The following LRP1B variants were observed in gnomAD, a reference collection of about 807,000 sequenced individuals.
LRP1B encodes the protein low-density lipoprotein receptor-related protein 1B.
A neutral mutation model predicts 556.6 loss-of-function variants in LRP1B; 217 were observed. The observed-to-expected ratio is 0.39, with a 90% confidence interval of 0.35 to 0.44. The LOEUF (loss-of-function observed/expected upper bound fraction) is 0.44, where lower values mean the gene tolerates loss of function less well. Ranked by LOEUF, LRP1B falls within the 20% of genes least tolerant of loss-of-function variation. The pLI, the probability that LRP1B is intolerant of heterozygous loss-of-function variation, is 1.00. For synonymous variants in LRP1B, 2,047 were observed against 1,865.8 expected, an observed-to-expected ratio of 1.10 and a Z score of -2.50; for missense variants, 5,053 against 5,620.8, an observed-to-expected ratio of 0.90 and a Z score of 3.23.
At chr2:140,389,228 A>G (rs932454932) in intron 66 of LRP1B, among the ~76,000 whole-genome samples, 9 of 152,172 alleles carry the variant, frequency 5.9e-5, no homozygotes, top group Middle Eastern at 3.4e-3. Flanking sequence ...AGACCTTTAA[A>G]TAGGAGAATT....
chr2:141,260,170 T>C (rs111371567), intron 3 of LRP1B, among the ~76,000 whole-genome samples: 6 of 152,250 alleles, frequency 3.9e-5, no homozygotes, highest in African/African-American at 1.4e-4. Context: ...CTCCAACAGA[T>C]AGTGAAACAC....
chr2:141,601,599 T>TTTCCTTCCTTCC (rs59436887), intron 2 of LRP1B, among the ~76,000 whole-genome samples: 6,237 of 140,638 alleles, frequency 0.044, 222 homozygotes, highest in African/African-American at 0.091. Context: ...GTAGCACTCC[T>TTTCCTTCCTTCC]TTCCTTCCTT....
chr2:141,886,476 T>C (rs978777863), intron 1 of LRP1B, among the ~76,000 whole-genome samples: 1 of 152,278 alleles, frequency 6.6e-6, no homozygotes, highest in East Asian at 1.9e-4. Context: ...ATATATTTCA[T>C]CTTCATAAAT....
At chr2:141,464,606 A>ATATATATATATATTTTTTTTTTTTTTTT in intron 3 of LRP1B, among the ~76,000 whole-genome samples, 3 of 90,562 alleles carry the variant, frequency 3.3e-5, no homozygotes, top group African/African-American at 8.6e-5. Context: ...ATATATATAT[A>ATATATATATATATTTTTTTTTTTTTTTT]TTTTTTTAGT....
chr2:140,813,514 A>C (rs1690998657), intron 32 of LRP1B, 143 bp downstream of exon 32: 2 of 653,618 alleles, frequency 3.1e-6, no homozygotes, highest in Non-Finnish European at 5.2e-6. Flanking sequence ...AAGAAGGAAG[A>C]GAAGAAAACC....
chr2:140,626,992 A>G (rs1683687690), intron 41 of LRP1B, among the ~76,000 whole-genome samples: 1 of 152,154 alleles, frequency 6.6e-6, no homozygotes, highest in Admixed American at 6.5e-5. Flanking sequence ...GGGCTCAATG[A>G]ATACTATCAC....
At chr2:141,145,549 T>G (rs1191083097) in intron 7 of LRP1B, among the ~76,000 whole-genome samples, 2 of 151,704 alleles carry the variant, frequency 1.3e-5, no homozygotes, top group Admixed American at 1.3e-4. Flanking sequence ...TTTTTTTTTT[T>G]AGAGACAGAG....
chr2:141,662,921 A>G (rs991339943), intron 2 of LRP1B, among the ~76,000 whole-genome samples: 14 of 151,996 alleles, frequency 9.2e-5, no homozygotes, highest in African/African-American at 3.1e-4. Context: ...TGTTCACATC[A>G]TTGGAAGTAA....
At chr2:140,271,642 CAGG>C (rs1162724643) in intron 85 of LRP1B, among the ~76,000 whole-genome samples, 4 of 151,836 alleles carry the variant, frequency 2.6e-5, no homozygotes, top group Admixed American at 2.6e-4. Context: ...TCAAGGTAAA[CAGG>C]AGCAGTGAGC....
At chr2:140,697,007 A>T (rs1028257758) in intron 41 of LRP1B, among the ~76,000 whole-genome samples, 1 of 152,154 alleles carries the variant, frequency 6.6e-6, no homozygotes, top group Non-Finnish European at 1.5e-5. Flanking sequence ...TTGATTTTCC[A>T]TTTTGTAGGT....
chr2:141,130,120 A>T (rs1701312808), intron 7 of LRP1B, among the ~76,000 whole-genome samples: 1 of 152,072 alleles, frequency 6.6e-6, no homozygotes, highest in Non-Finnish European at 1.5e-5. Flanking sequence ...TAGAGTGGCC[A>T]TTAAAAAATA....
In LRP1B at chr2:141,879,157, C is replaced by A. The variant is rs143496420; in HGVS notation, c.83-68756G>T. Among the ~76,000 whole-genome samples the A allele has an allele frequency of 2.1e-4, 32 of 151,812 alleles. No homozygotes were observed. The South Asian group carries it at 6.2e-3, about 30-fold the overall frequency. ...AATCTTTATAGAAAATATATTATTA[C>A]TTGTAAGTATTCCTTATATTAATAA... On this transcript the variant is annotated intron_variant, in intron 1 of 90. Coordinates refer to ENST00000389484, the MANE Select transcript of LRP1B (RefSeq NM_018557.3).
chr2:140,842,636 A>G (rs987683814), intron 29 of LRP1B, among the ~76,000 whole-genome samples: 1 of 150,974 alleles, frequency 6.6e-6, no homozygotes, highest in African/African-American at 2.4e-5. Context: ...GTAATATACC[A>G]CCTCCTTAAA....
intron 4 of LRP1B, 114 bp downstream of exon 4, chr2:141,254,408 A>T: frequency 9.6e-7 from 1 of 1,043,008 alleles, no homozygotes; most frequent in Non-Finnish European, 1.4e-6. Flanking sequence ...TCAAGAAAGA[A>T]AAGTTAACAT....
At chr2:140,876,045 C>T (rs1455946153) in intron 25 of LRP1B, among the ~76,000 whole-genome samples, 1 of 152,000 alleles carries the variant, frequency 6.6e-6, no homozygotes, top group Non-Finnish European at 1.5e-5. Flanking sequence ...CTAACAGATG[C>T]TCTTGAATCC....
chr2:141,902,535 G>T (rs986865471), intron 1 of LRP1B, among the ~76,000 whole-genome samples: 4 of 151,960 alleles, frequency 2.6e-5, no homozygotes, highest in East Asian at 3.9e-4. Context: ...GAGAAGAGTA[G>T]AATAGAAGAA....
intron 7 of LRP1B, among the ~76,000 whole-genome samples, chr2:141,154,432 T>G (rs1702016554): frequency 2.0e-5 from 3 of 151,944 alleles, no homozygotes; most frequent in Admixed American, 6.6e-5. Context: ...AAAATTAAAA[T>G]GCAGTTTATT....
chr2:141,551,152 T>A (rs1685736898), intron 2 of LRP1B, among the ~76,000 whole-genome samples: 2 of 152,052 alleles, frequency 1.3e-5, no homozygotes, highest in Admixed American at 1.3e-4. Context: ...CATAGATGTG[T>A]ATTTCTTGTT....
chr2:141,972,642 A>C (rs1355020535), intron 1 of LRP1B, among the ~76,000 whole-genome samples: 4 of 150,866 alleles, frequency 2.7e-5, no homozygotes, highest in African/African-American at 9.7e-5. Context: ...TTAGCCTATG[A>C]GACAAAAGCT....
Sources: allele counts gnomAD v4.1 joint callset (sites outside exome capture counted in the v4.1 genomes callset), GRCh38; gene constraint gnomAD v4.1.1; transcripts MANE v1.5; gene names NCBI Gene and HGNC (gene_info 2026-07-23, HGNC 2026-07-21).